PELI2: variants seen among roughly 807,000 people sequenced by gnomAD.
The protein encoded by PELI2 is pellino E3 ubiquitin protein ligase family member 2.
Under a neutral mutation model 42.3 loss-of-function variants are expected in PELI2, and 23 were observed. The ratio of observed to expected loss-of-function variants is 0.54; its 90% confidence interval spans 0.39 to 0.77. The LOEUF (loss-of-function observed/expected upper bound fraction) is 0.77, where lower values mean the gene tolerates loss of function less well. Among genes scored for constraint, PELI2 ranks in the 30% least tolerant of loss-of-function variants. The pLI, the probability that PELI2 is intolerant of heterozygous loss-of-function variation, is 0.00. For missense variants in PELI2, 463 were observed against 553.2 expected (o/e 0.84, Z 1.64); for synonymous variants, 245 against 212.2 (o/e 1.15, Z -1.34).
At chr14:56,206,678 A>G (rs1886529311) in intron 2 of PELI2, among the ~76,000 whole-genome samples, 1 of 152,128 alleles carries the variant, frequency 6.6e-6, no homozygotes. Flanking sequence ...GCAGTATTCT[A>G]TGGCTTTTTT....
intron 1 of PELI2, among the ~76,000 whole-genome samples, chr14:56,129,311 C>G (rs997204226): frequency 2.0e-5 from 3 of 152,222 alleles, no homozygotes; most frequent in Non-Finnish European, 2.9e-5. Context: ...CTTCCCCTGC[C>G]AAAGAACAGT....
In PELI2 at chr14:56,273,109, T is replaced by G. The variant is rs2139859537; in HGVS notation, c.208-6567T>G. On this transcript the variant is annotated intron_variant, in intron 2 of 5. Transcript: ENST00000267460. This position sits in a 1 kb window ranked among gnomAD's most constrained non-coding sequence, Gnocchi z 4.3. ...GCACCACTGAGTAGTCAGTCTCTGG[T>G]CCACATCTGGGGCAGCTGGAGCTGG... Among the ~76,000 whole-genome samples the G allele has an allele frequency of 6.6e-6, 1 of 152,340 alleles. No individual in the cohort carries two copies. Among genetic ancestry groups the G allele is most frequent in the South Asian group, 2.1e-4 (1 of 4,824 alleles).
intron 1 of PELI2, among the ~76,000 whole-genome samples, chr14:56,149,445 G>A (rs532123916): frequency 1.3e-5 from 2 of 152,246 alleles, no homozygotes; most frequent in African/African-American, 4.8e-5. Context: ...GTGGAATTAT[G>A]CCTTACAAAA....
chr14:56,260,606 T>C (rs957492386), intron 2 of PELI2, among the ~76,000 whole-genome samples: 1 of 152,162 alleles, frequency 6.6e-6, no homozygotes, highest in Admixed American at 6.6e-5. Flanking sequence ...TTAAAACTGG[T>C]GAATGTTAGT....
chr14:56,187,841 G>C (rs762491675), intron 2 of PELI2, among the ~76,000 whole-genome samples: 2 of 152,206 alleles, frequency 1.3e-5, no homozygotes, highest in Non-Finnish European at 2.9e-5. Context: ...CTCTCAGATA[G>C]GCAGCTCCCT....
At chr14:56,254,698 C>T (rs1326588974) in intron 2 of PELI2, among the ~76,000 whole-genome samples, 2 of 152,136 alleles carry the variant, frequency 1.3e-5, no homozygotes, top group South Asian at 2.1e-4. Context: ...TCAGAGTGAA[C>T]AGGCAACCTA....
chr14:56,218,376 G>A (rs1445795888), intron 2 of PELI2, among the ~76,000 whole-genome samples: 1 of 152,176 alleles, frequency 6.6e-6, no homozygotes, highest in Non-Finnish European at 1.5e-5. Flanking sequence ...TATGCCTTAT[G>A]GCACTAGAGC....
At chr14:56,207,417 T>C (rs1886558663) in intron 2 of PELI2, among the ~76,000 whole-genome samples, 1 of 152,178 alleles carries the variant, frequency 6.6e-6, no homozygotes, top group Non-Finnish European at 1.5e-5. Flanking sequence ...GAGGATATTA[T>C]ACTCACTACC....
chr14:56,147,181 C>T (rs1223419110), intron 1 of PELI2, among the ~76,000 whole-genome samples: 5 of 152,142 alleles, frequency 3.3e-5, no homozygotes, highest in Admixed American at 3.3e-4. Flanking sequence ...GGCCATGCCA[C>T]ATTTTGTTTA....
chr14:56,277,482 T>C (rs539490221), intron 2 of PELI2, among the ~76,000 whole-genome samples: 12 of 152,040 alleles, frequency 7.9e-5, no homozygotes, highest in Admixed American at 2.0e-4. Context: ...TTCAACATTA[T>C]GGTGAGTTGC....
intron 2 of PELI2, among the ~76,000 whole-genome samples, chr14:56,183,506 T>G (rs1327409837): frequency 6.6e-6 from 1 of 152,174 alleles, no homozygotes; most frequent in Non-Finnish European, 1.5e-5. Context: ...ACATTAAGTA[T>G]TTATTAGGAC....
chr14:56,143,815 T>C (rs995497750), intron 1 of PELI2, among the ~76,000 whole-genome samples: 1 of 152,248 alleles, frequency 6.6e-6, no homozygotes, highest in Non-Finnish European at 1.5e-5. Context: ...CATATGATGT[T>C]TTAGGCTCAC....
At chr14:56,195,429 C>G (rs1463630838) in intron 2 of PELI2, among the ~76,000 whole-genome samples, 2 of 152,168 alleles carry the variant, frequency 1.3e-5, no homozygotes, top group Non-Finnish European at 2.9e-5. Flanking sequence ...GGTGGTCCTA[C>G]CCCCTCCCCT....
rs142465570 is a variant in PELI2, at chr14:56,243,951, C to T, written c.208-35725C>T. Among the ~76,000 whole-genome samples the T allele has an allele frequency of 9.9e-5, 15 of 152,190 alleles. No homozygotes were observed. In the East Asian group the frequency reaches 2.1e-3, roughly 22 times the overall value. On this transcript the variant is annotated intron_variant, in intron 2 of 5. Transcript: ENST00000267460. ...TTACTTGGGAGGTGATTTATTTGTCCGTGGTCTCCAGTGCTTTCTCTTTTA... is the reference window on the plus strand; with the variant it reads ...TTACTTGGGAGGTGATTTATTTGTCTGTGGTCTCCAGTGCTTTCTCTTTTA...
At chr14:56,229,705 C>G (rs1794122153) in intron 2 of PELI2, among the ~76,000 whole-genome samples, 1 of 152,176 alleles carries the variant, frequency 6.6e-6, no homozygotes, top group South Asian at 2.1e-4. Context: ...CAAAGGAATG[C>G]AGCTCCTCAC....
At chr14:56,122,210 A>G (rs904533737) in intron 1 of PELI2, among the ~76,000 whole-genome samples, 5 of 152,226 alleles carry the variant, frequency 3.3e-5, no homozygotes, top group Admixed American at 2.6e-4. Context: ...GTATGTACCT[A>G]TGTAACAAAC....
intron 1 of PELI2, among the ~76,000 whole-genome samples, chr14:56,143,094 G>A (rs1883977210): frequency 6.6e-6 from 1 of 151,910 alleles, no homozygotes; most frequent in African/African-American, 2.4e-5. Flanking sequence ...ACATTGCATT[G>A]GTTGTCATGT....
intron 2 of PELI2, among the ~76,000 whole-genome samples, chr14:56,241,423 T>C (rs560075025): frequency 6.6e-6 from 1 of 152,208 alleles, no homozygotes; most frequent in East Asian, 1.9e-4. Flanking sequence ...AGAGAAGTAA[T>C]TCATGAAATT....
At chr14:56,261,614 C>T (rs1888718138) in intron 2 of PELI2, among the ~76,000 whole-genome samples, 1 of 152,094 alleles carries the variant, frequency 6.6e-6, no homozygotes, top group Admixed American at 6.6e-5. Context: ...TAGACTTGCC[C>T]ATCCACTTAG....
Sources: gnomAD v4.1 joint callset for allele counts (sites outside exome capture counted in the v4.1 genomes callset) on GRCh38, gnomAD v4.1.1 for gene constraint, Gnocchi (gnomAD v3.1) non-coding constraint, MANE v1.5 for transcripts, NCBI Gene and HGNC (gene_info 2026-07-23, HGNC 2026-07-21) for gene names.